Variants in CRB1 observed in about 807,000 individuals in gnomAD.
The protein encoded by CRB1 is protein crumbs homolog 1.
CRB1 carries 83 observed loss-of-function variants against 120.0 expected under a neutral mutation model. The ratio of observed to expected loss-of-function variants is 0.69; its 90% CI spans 0.58 to 0.83. CRB1 has a LOEUF of 0.83. Ranked by LOEUF, CRB1 falls within the 40% of genes least tolerant of loss-of-function variation. CRB1 has a pLI of 0.00. For missense variants in CRB1, 1,699 were observed against 1,687.6 expected (o/e 1.01, Z -0.12); for synonymous variants, 625 against 612.5 (o/e 1.02, Z -0.30).
rs1571538086 is a variant in CRB1 at position 197,427,356 on chromosome 1, TG to T, written c.2129-97del. On this transcript the variant is annotated intron_variant, in intron 6 of 11. Transcript: ENST00000367400. Reference sequence around the variant, plus strand: ...GTGTGTATGCTTGTGTGCATGTGTGTGTGTGAAATGTATAATTTTCGTCTTC... The same window carrying T: ...GTGTGTATGCTTGTGTGCATGTGTGTTGTGAAATGTATAATTTTCGTCTTC... The T allele has an allele frequency of 3.4e-6, 3 of 890,828 alleles. No individual in the cohort carries two copies. In the East Asian group the frequency reaches 7.3e-5, roughly 22 times the overall value. 55.2% of individuals were successfully genotyped at this position (890,828 alleles called of 1,614,324 possible). A position where few individuals can be genotyped will look rare whatever the true frequency, so the allele number is the denominator to read the frequency against.
chr1:197,408,407 C>G (rs1663529595), intron 5 of CRB1, among the ~76,000 whole-genome samples: 1 of 152,092 alleles, frequency 6.6e-6, no homozygotes, highest in Non-Finnish European at 1.5e-5. Flanking sequence ...TTTAATACAA[C>G]CATTTATGCA....
At chr1:197,228,104 G>A in the CRB1 span, among the ~76,000 whole-genome samples, 1 of 152,100 alleles carries the variant, frequency 6.6e-6, no homozygotes, top group African/African-American at 2.4e-5. Flanking sequence ...TAGGCTTCTG[G>A]GTCTGTGATA....
At chr1:197,253,070 T>C in the CRB1 span, among the ~76,000 whole-genome samples, 1 of 152,040 alleles carries the variant, frequency 6.6e-6, no homozygotes, top group East Asian at 1.9e-4. Flanking sequence ...TTAACCATCA[T>C]AACTCCCCTC....
intron 1 of CRB1, among the ~76,000 whole-genome samples, chr1:197,318,726 A>G (rs1244319432): frequency 3.0e-4 from 46 of 152,214 alleles, no homozygotes; most frequent in Admixed American, 2.9e-3. Context: ...TATGTTAAGT[A>G]AAATAAGTCA....
intron 1 of CRB1, among the ~76,000 whole-genome samples, chr1:197,316,021 A>G (rs1657816574): frequency 6.6e-6 from 1 of 152,290 alleles, no homozygotes; most frequent in East Asian, 1.9e-4. Flanking sequence ...TTTCTACTCA[A>G]TGCATCATTG....
At chr1:197,252,566 A>ATG in the CRB1 span, among the ~76,000 whole-genome samples, 5 of 45,724 alleles carry the variant, frequency 1.1e-4, no homozygotes, top group South Asian at 3.9e-3. Flanking sequence ...ATATATATAT[A>ATG]TATATATATA....
At chr1:197,455,467 A>C (rs1387834691) in intron 11 of CRB1, among the ~76,000 whole-genome samples, 1 of 152,186 alleles carries the variant, frequency 6.6e-6, no homozygotes, top group African/African-American at 2.4e-5. Context: ...GTCTTGTTTA[A>C]CATGACATGA....
At chr1:197,233,167 A>G in the CRB1 span, among the ~76,000 whole-genome samples, 2 of 152,148 alleles carry the variant, frequency 1.3e-5, no homozygotes, top group African/African-American at 2.4e-5. Flanking sequence ...CATGTCAAGA[A>G]TGGTAGAAAT....
intron 1 of CRB1, among the ~76,000 whole-genome samples, chr1:197,314,228 A>G (rs1048416605): frequency 2.6e-5 from 4 of 152,090 alleles, no homozygotes; most frequent in Admixed American, 2.6e-4. Context: ...TTTTCTTTCC[A>G]TTCTTCAGAT....
At chr1:197,203,076 G>T in the CRB1 span, among the ~76,000 whole-genome samples, 1 of 151,342 alleles carries the variant, frequency 6.6e-6, no homozygotes, top group Non-Finnish European at 1.5e-5. Flanking sequence ...AAAAATAAAC[G>T]TGTAATTCTT....
intron 5 of CRB1, among the ~76,000 whole-genome samples, chr1:197,385,743 G>T (rs1402122150): frequency 6.6e-6 from 1 of 151,972 alleles, no homozygotes; most frequent in African/African-American, 2.4e-5. Flanking sequence ...TATACTGAAC[G>T]CCTCAAGAGC....
At chr1:197,357,605 T>A (rs1660556050) in intron 5 of CRB1, 1 of 163,444 alleles carries the variant, frequency 6.1e-6, no homozygotes, top group African/African-American at 2.4e-5. Context: ...CATTCCCCAA[T>A]TCATTAATGG....
intron 5 of CRB1, among the ~76,000 whole-genome samples, chr1:197,405,200 C>A (rs1285637528): frequency 2.0e-5 from 3 of 152,052 alleles, no homozygotes; most frequent in African/African-American, 7.2e-5. Context: ...CTTAGCCTGC[C>A]GAGTGCCTGC....
intron 4 of CRB1, among the ~76,000 whole-genome samples, chr1:197,353,282 A>G (rs1660211970): frequency 6.6e-6 from 1 of 152,180 alleles, no homozygotes; most frequent in Non-Finnish European, 1.5e-5. Context: ...AGAAGAGAGA[A>G]AAACATCACG....
At chr1:197,359,003 A>T (rs576307842) in intron 5 of CRB1, among the ~76,000 whole-genome samples, 1 of 152,268 alleles carries the variant, frequency 6.6e-6, no homozygotes, top group African/African-American at 2.4e-5. Context: ...ACATATTTTT[A>T]TGTCTACACG....
intron 8 of CRB1, among the ~76,000 whole-genome samples, chr1:197,432,376 A>G (rs1664912953): frequency 6.7e-6 from 1 of 150,178 alleles, no homozygotes; most frequent in Admixed American, 6.6e-5. Context: ...ACACACACAC[A>G]CACACACACA....
chr1:197,298,598 A>G (rs1159569361), intron 1 of CRB1, among the ~76,000 whole-genome samples: 1 of 152,132 alleles, frequency 6.6e-6, no homozygotes, highest in Non-Finnish European at 1.5e-5. Flanking sequence ...CTGAGGAAGA[A>G]TAATGACTTG....
chr1:197,221,753 G>A, the CRB1 span, among the ~76,000 whole-genome samples: 3 of 152,092 alleles, frequency 2.0e-5, no homozygotes, highest in African/African-American at 7.2e-5. Flanking sequence ...CTATAAAATT[G>A]GGGTTGGGTG....
At chr1:197,402,174 TTTAG>T (rs1663098850) in intron 5 of CRB1, among the ~76,000 whole-genome samples, 1 of 152,106 alleles carries the variant, frequency 6.6e-6, no homozygotes, top group Non-Finnish European at 1.5e-5. Context: ...TCAATAGTTA[TTTAG>T]TTATTTTTTT....
Sources: allele counts gnomAD v4.1 joint callset (sites outside exome capture counted in the v4.1 genomes callset), GRCh38; gene constraint gnomAD v4.1.1; transcripts MANE v1.5; gene names NCBI Gene and HGNC (gene_info 2026-07-23, HGNC 2026-07-21).